The following BCO2 variants were observed in gnomAD, a reference collection of about 807,000 sequenced individuals.
BCO2 encodes beta-carotene oxygenase 2, also known as carotenoid-cleaving dioxygenase, mitochondrial.
Under a neutral mutation model 65.8 loss-of-function variants are expected in BCO2, and 56 were observed. That is an observed-to-expected ratio of 0.85 (90% CI 0.69 to 1.06). The LOEUF (loss-of-function observed/expected upper bound fraction) is 1.06. Ranked by LOEUF, BCO2 falls within the 50% of genes least tolerant of loss-of-function variation. The pLI is 0.00. For missense variants in BCO2, 675 were observed against 698.5 expected, an observed-to-expected ratio of 0.97 and a Z score of 0.38; for synonymous variants, 233 against 242.3, an observed-to-expected ratio of 0.96 and a Z score of 0.36.
intron 2 of BCO2, among the ~76,000 whole-genome samples, chr11:112,184,156 C>T (rs906040759): frequency 6.6e-6 from 1 of 152,138 alleles, no homozygotes; most frequent in African/African-American, 2.4e-5. Context: ...TCCAGAGCTA[C>T]TGCAATCAAA....
chr11:112,214,694 C>A, intron 9 of BCO2, 68 bp from the exon 10 acceptor site: 1 of 1,362,218 alleles, frequency 7.3e-7, no homozygotes, highest in Non-Finnish European at 1.0e-6. Flanking sequence ...TGAGGCTCCT[C>A]ACTGACCTAC....
At chr11:112,177,764 C>T (rs1242447815) in intron 1 of BCO2, among the ~76,000 whole-genome samples, 1 of 152,072 alleles carries the variant, frequency 6.6e-6, no homozygotes, top group African/African-American at 2.4e-5. Flanking sequence ...CTCAAGCCTT[C>T]TTATTTAGGA....
At chr11:112,181,267 C>T (rs1330429644) in intron 2 of BCO2, 61 of 584,090 alleles carry the variant, frequency 1.0e-4, no homozygotes, top group Non-Finnish European at 1.3e-4. Flanking sequence ...CTGCAAGCTC[C>T]GCCTCCCGGG....
intron 2 of BCO2, chr11:112,183,117 A>G: frequency 7.8e-7 from 1 of 1,279,294 alleles, no homozygotes; most frequent in Non-Finnish European, 1.1e-6. Flanking sequence ...AGCCAACCTG[A>G]GAGGGTCCAA....
At chr11:112,194,591 C>A in intron 4 of BCO2, 62 bp from the exon 5 acceptor site, 1 of 938,664 alleles carries the variant, frequency 1.1e-6, no homozygotes, top group African/African-American at 1.7e-5. Context: ...GATATTTCTA[C>A]TATTTATGCA....
intron 8 of BCO2, among the ~76,000 whole-genome samples, chr11:112,212,677 T>C (rs1592866379): frequency 6.6e-6 from 1 of 152,082 alleles, no homozygotes; most frequent in Non-Finnish European, 1.5e-5. Flanking sequence ...ATGTGTAAAA[T>C]GTTGTCTGCC....
chr11:112,175,737 T>G, intron 1 of BCO2, 48 bp downstream of exon 1: 1 of 1,508,026 alleles, frequency 6.6e-7, no homozygotes, highest in Non-Finnish European at 9.2e-7. Context: ...TTCTTGCCAG[T>G]CTGCGCTTAG....
intron 2 of BCO2, among the ~76,000 whole-genome samples, chr11:112,190,638 C>T (rs11214124): frequency 0.38 from 57,383 of 151,744 alleles, 11,189 homozygotes; most frequent in South Asian, 0.6. Flanking sequence ...GGGTGGATCA[C>T]AAGGTCAGGA....
chr11:112,216,151 G>A lies in BCO2; in HGVS notation c.1516-69G>A, dbSNP rs908346970. The stretch of plus-strand genomic sequence containing the variant: ...TCACAGCCAAATTCATGCTTGGAGT[G>A]ACAAAAGCCATAGAAAGCTCCCTAC... On this transcript the variant is annotated intron_variant, in intron 10 of 11. Transcript: ENST00000357685. 4 of 1,035,418 alleles carry A rather than the reference G, an allele frequency of 3.9e-6. No homozygotes were observed. In the African/African-American group the frequency reaches 6.3e-5, roughly 16 times the overall value. 64.1% of individuals were successfully genotyped at this position (1,035,418 alleles called of 1,614,324 possible).
At chr11:112,203,393 G>A (rs1327956713) in intron 8 of BCO2, among the ~76,000 whole-genome samples, 1 of 152,038 alleles carries the variant, frequency 6.6e-6, no homozygotes, top group Admixed American at 6.6e-5. Context: ...AAGATTGCCT[G>A]GGTTTTTCAT....
chr11:112,177,399 T>C (rs1424472164), intron 1 of BCO2, among the ~76,000 whole-genome samples: 2 of 152,164 alleles, frequency 1.3e-5, no homozygotes, highest in East Asian at 3.8e-4. Flanking sequence ...ACCAGGTATT[T>C]CTGTTGCAAG....
rs761291940 is a variant in BCO2 at position 112,175,701 on chromosome 11, G to GC, written c.88+16dup. 1.2e-6 allele frequency: 2 copies of GC among 1,606,168 alleles called. No individual in the cohort carries two copies. Among genetic ancestry groups the GC allele is most frequent in the Non-Finnish European group, 1.7e-6 (2 of 1,172,772 alleles). On this transcript the variant is annotated intron_variant, in intron 1 of 11. Coordinates refer to ENST00000357685, the MANE Select transcript of BCO2 (RefSeq NM_031938.7). ...GCACCGGCTCCCAGGTAGAGGGTTT[G>GC]CCCCTTTCTCTTCCTCATCCTCCTC...
chr11:112,209,738 A>C (rs1441201243), intron 8 of BCO2, among the ~76,000 whole-genome samples: 1 of 152,182 alleles, frequency 6.6e-6, no homozygotes, highest in African/African-American at 2.4e-5. Context: ...TGATTCTTTA[A>C]AAAATGTTCA....
intron 2 of BCO2, chr11:112,181,283 G>A (rs990848220): frequency 2.5e-5 from 14 of 550,842 alleles, no homozygotes; most frequent in African/African-American, 1.8e-4. Flanking sequence ...CCGGGTTCAC[G>A]CCATTCTCCT....
At chr11:112,195,160 G>A (rs1195832494) in intron 5 of BCO2, among the ~76,000 whole-genome samples, 2 of 144,766 alleles carry the variant, frequency 1.4e-5, no homozygotes, top group African/African-American at 5.1e-5. Context: ...TTTTTGAGAT[G>A]GAGTCTTGCT....
At chr11:112,206,930 T>A (rs966489467) in intron 8 of BCO2, among the ~76,000 whole-genome samples, 1 of 152,246 alleles carries the variant, frequency 6.6e-6, no homozygotes. Flanking sequence ...CATTTCTTTT[T>A]GTGTGTTTTG....
chr11:112,217,635 A>T, intron 11 of BCO2, 126 bp from the exon 12 acceptor site: 1 of 638,176 alleles, frequency 1.6e-6, no homozygotes, highest in Admixed American at 2.7e-5. Flanking sequence ...TGCTAGGATT[A>T]CAGGTGTGAG....
At chr11:112,181,567 A>G (rs1479672685) in intron 2 of BCO2, 15 of 752,454 alleles carry the variant, frequency 2.0e-5, no homozygotes, top group Admixed American at 3.5e-5. Flanking sequence ...AAATGATAGC[A>G]TTAATTTATT....
intron 2 of BCO2, 116 bp from the exon 3 acceptor site, chr11:112,193,358 C>A: frequency 1.0e-6 from 1 of 975,790 alleles, no homozygotes; most frequent in Non-Finnish European, 1.5e-6. Flanking sequence ...TCAGGTTGTG[C>A]TGGGAACCTG....
Sources: allele counts gnomAD v4.1 joint callset (sites outside exome capture counted in the v4.1 genomes callset), GRCh38; gene constraint gnomAD v4.1.1; transcripts MANE v1.5; gene names NCBI Gene and HGNC (gene_info 2026-07-23, HGNC 2026-07-21).